The following PPP4R3B variants were observed in gnomAD, a reference collection of about 807,000 sequenced individuals.
PPP4R3B encodes the protein protein phosphatase 4 regulatory subunit 3B.
In PPP4R3B, 52 loss-of-function variants were observed where a neutral mutation model predicts 95.4. The observed-to-expected ratio is 0.54, with a 90% confidence interval of 0.44 to 0.69. The LOEUF (loss-of-function observed/expected upper bound fraction) is 0.69, where lower values mean the gene tolerates loss of function less well. Ranked by LOEUF, PPP4R3B falls within the 30% of genes least tolerant of loss-of-function variation. The probability of loss-of-function intolerance (pLI) is 0.00; values close to 1 mark genes in which losing one functional copy is unlikely to be tolerated. For synonymous variants in PPP4R3B, 407 were observed against 343.9 expected (o/e 1.18, Z -2.03); for missense variants, 1,003 against 1,005.9 (o/e 1.00, Z 0.04).
intron 1 of PPP4R3B, 26 bp from the exon 2 acceptor site, chr2:55,615,532 T>TTTGAGACTTATG: frequency 6.7e-7 from 1 of 1,481,678 alleles, no homozygotes; most frequent in Non-Finnish European, 9.3e-7. Flanking sequence ...TAATACATCA[T>TTTGAGACTTATG]AAGTCTCAAA....
In PPP4R3B at chr2:55,572,154, A is replaced by T. The variant is rs537586547; in HGVS notation, c.1765+1465T>A. Among the ~76,000 whole-genome samples, 178 of 152,352 alleles carry T rather than the reference A, an allele frequency of 1.2e-3. No individual in the cohort carries two copies. The Middle Eastern group carries it at 0.02, about 17-fold the overall frequency. ...AAAACAAATTTCACATGTGTTACAT[A>T]CATAAATGTAAAAAAGGAAATAAAG... On this transcript the variant is annotated intron_variant, in intron 12 of 16. Coordinates refer to ENST00000616407, the MANE Select transcript of PPP4R3B (RefSeq NM_001122964.3).
intron 1 of PPP4R3B, chr2:55,616,583 G>A (rs1694960937): frequency 6.6e-6 from 1 of 152,184 alleles, no homozygotes; most frequent in African/African-American, 2.4e-5. Context: ...CTTCTACAAA[G>A]GCAGCCCGAA....
Position 55,617,278 on chromosome 2 carries a change from T to G in PPP4R3B, c.8A>C (p.Asp3Ala). The change falls in exon 1 of 17, where the codon GAT becomes GCT. Residue 3 changes from aspartate (D) to alanine (A), a missense_variant. This residue lies in a region of PPP4R3B where 695 missense variants were observed against 686.2 expected (regional missense o/e 1.01). Coordinates refer to ENST00000616407, the MANE Select transcript of PPP4R3B (RefSeq NM_001122964.3). ...ATAGACCTTCACTCGCCGCCGCGTA[T>G]CCGACATGGTGGCTGCTGTCTCCAC... MS[D>A]TRRRVKVYTL... The G allele has an allele frequency of 6.3e-7, 1 of 1,594,174 alleles. No individual in the cohort carries two copies. Among genetic ancestry groups the G allele is most frequent in the South Asian group, 1.1e-5 (1 of 89,734 alleles).
intron 15 of PPP4R3B, among the ~76,000 whole-genome samples, chr2:55,562,355 G>C (rs946352792): frequency 6.6e-6 from 1 of 152,176 alleles, no homozygotes; most frequent in African/African-American, 2.4e-5. Flanking sequence ...CCAGGAGGCA[G>C]AGGTTGCAGT....
Position 55,617,200 on chromosome 2 carries a change from G to A in PPP4R3B, c.86C>T (p.Ser29Phe), listed in dbSNP as rs200421664. The change falls in exon 1 of 17, where the codon TCC becomes TTC. Residue 29 changes from serine (S) to phenylalanine (F), a missense_variant. Physicochemically the swap from Ser to Phe is radical, Grantham distance 155. Transcript: ENST00000616407. ...WDDRGTGHVSSTYVEELKGMS... is the reference protein window; with the variant it reads ...WDDRGTGHVSFTYVEELKGMS... Reference sequence around the variant, plus strand: ...CCCCTTGAGCTCCTCCACGTAAGTGGAGGAGACGTGCCCGGTGCCTCGGTC... The same window carrying A: ...CCCCTTGAGCTCCTCCACGTAAGTGAAGGAGACGTGCCCGGTGCCTCGGTC... 346 of 1,613,928 alleles carry A rather than the reference G, an allele frequency of 2.1e-4. No individual in the cohort carries two copies. The highest frequency in any genetic ancestry group is 8.3e-5 in the Admixed American group (5 of 59,998).
chr2:55,587,458 C>T (rs1690300700), intron 5 of PPP4R3B, among the ~76,000 whole-genome samples: 1 of 152,228 alleles, frequency 6.6e-6, no homozygotes, highest in Non-Finnish European at 1.5e-5. Flanking sequence ...GTGGCACACG[C>T]CTGTAATCAC....
chr2:55,553,431 C>T (rs1379693763), intron 16 of PPP4R3B, among the ~76,000 whole-genome samples: 1 of 152,254 alleles, frequency 6.6e-6, no homozygotes, highest in South Asian at 2.1e-4. Context: ...TAAGTCCATA[C>T]CATAAAGTCA....
At chr2:55,577,068 T>A (rs1688778006) in intron 11 of PPP4R3B, among the ~76,000 whole-genome samples, 1 of 152,196 alleles carries the variant, frequency 6.6e-6, no homozygotes, top group Non-Finnish European at 1.5e-5. Flanking sequence ...ATCCTCAAAT[T>A]TCAGACAATG....
chr2:55,595,374 A>C (rs1405401977), intron 4 of PPP4R3B, among the ~76,000 whole-genome samples: 1 of 151,964 alleles, frequency 6.6e-6, no homozygotes, highest in Non-Finnish European at 1.5e-5. Context: ...TCATATCTAT[A>C]ATCTCAGCAC....
chr2:55,552,470 T>C (rs1020416567), intron 16 of PPP4R3B, among the ~76,000 whole-genome samples: 5 of 152,212 alleles, frequency 3.3e-5, no homozygotes, highest in African/African-American at 9.6e-5. Context: ...CTCAGTTCAC[T>C]GCAACCTCTG....
intron 5 of PPP4R3B, among the ~76,000 whole-genome samples, 179 bp from the exon 6 acceptor site, chr2:55,586,913 C>A (rs952216687): frequency 6.6e-6 from 1 of 152,144 alleles, no homozygotes; most frequent in Non-Finnish European, 1.5e-5. Context: ...TAAAAGTAAA[C>A]CTTGCATTAC....
Position 55,617,195 on chromosome 2 carries a change from A to G in PPP4R3B, c.91T>C (p.Tyr31His), listed in dbSNP as rs986908003. 15 of 1,613,748 alleles carry G rather than the reference A, an allele frequency of 9.3e-6. No individual in the cohort carries two copies. The highest frequency in any genetic ancestry group is 2.7e-5 in the African/African-American group (2 of 74,862). ...GACATCCCCTTGAGCTCCTCCACGTAAGTGGAGGAGACGTGCCCGGTGCCT... is the reference window on the plus strand; with the variant it reads ...GACATCCCCTTGAGCTCCTCCACGTGAGTGGAGGAGACGTGCCCGGTGCCT... ...DRGTGHVSST[Y>H]VEELKGMSLL... Residue 31 changes from tyrosine to histidine, a missense_variant, in exon 1 of 17, where the codon TAC (tyrosine) becomes CAC (histidine). Physicochemically the swap from Tyr to His is moderately conservative, Grantham distance 83. This residue lies in a region of PPP4R3B where 695 missense variants were observed against 686.2 expected (regional missense o/e 1.01). Coordinates refer to ENST00000616407, the MANE Select transcript of PPP4R3B (RefSeq NM_001122964.3).
intron 2 of PPP4R3B, among the ~76,000 whole-genome samples, chr2:55,613,156 T>C (rs185718051): frequency 2.0e-5 from 3 of 152,084 alleles, no homozygotes; most frequent in African/African-American, 7.2e-5. Context: ...GGTGAAAATA[T>C]GAAAAACCAT....
chr2:55,596,581 G>A (rs190337686), intron 4 of PPP4R3B, among the ~76,000 whole-genome samples: 9 of 152,300 alleles, frequency 5.9e-5, no homozygotes, highest in Admixed American at 5.9e-4. Flanking sequence ...TAAAAGCTAG[G>A]TATTTTGTGG....
intron 15 of PPP4R3B, among the ~76,000 whole-genome samples, chr2:55,561,907 G>A (rs572950276): frequency 2.8e-4 from 42 of 152,236 alleles, no homozygotes; most frequent in South Asian, 2.1e-3. Flanking sequence ...TGAGTTATGG[G>A]GGACTGTTGG....
intron 4 of PPP4R3B, among the ~76,000 whole-genome samples, chr2:55,594,372 T>A (rs545761477): frequency 1.3e-3 from 199 of 151,670 alleles, no homozygotes; most frequent in African/African-American, 4.7e-3. Flanking sequence ...AAATGTTATG[T>A]AAATAACAGA....
chr2:55,575,795 T>A (rs935502131), intron 11 of PPP4R3B, among the ~76,000 whole-genome samples: 7 of 152,128 alleles, frequency 4.6e-5, no homozygotes, highest in Non-Finnish European at 8.8e-5. Flanking sequence ...ACGGAATTTT[T>A]AAAAAAATGA....
At chr2:55,565,186 C>T (rs1277881328) in intron 13 of PPP4R3B, 145 bp from the exon 14 acceptor site, 2 of 608,664 alleles carry the variant, frequency 3.3e-6, no homozygotes, top group African/African-American at 3.9e-5. Context: ...GGTTTCTTTA[C>T]ACATGAGTCA....
intron 7 of PPP4R3B, 110 bp from the exon 8 acceptor site, chr2:55,581,808 G>A (rs778014407): frequency 7.0e-5 from 80 of 1,139,664 alleles, no homozygotes; most frequent in Non-Finnish European, 8.9e-5. Context: ...GAGAAAAAAC[G>A]AAGAATGGAA....
Sources: gnomAD v4.1 joint callset for allele counts (sites outside exome capture counted in the v4.1 genomes callset) on GRCh38, gnomAD v4.1.1 for gene constraint, gnomAD v4.1.1 regional missense constraint, MANE v1.5 for transcripts, NCBI Gene and HGNC (gene_info 2026-07-23, HGNC 2026-07-21) for gene names.